RIT2: variants seen among roughly 807,000 people sequenced by gnomAD.
The protein encoded by RIT2 is GTP-binding protein Rit2.
In RIT2, 24 loss-of-function variants were observed where a neutral mutation model predicts 23.7. The observed-to-expected ratio is 1.01, with a 90% CI of 0.73 to 1.43. The LOEUF is 1.43. RIT2 is among the 40% of genes most tolerant of loss of function. The probability of loss-of-function intolerance (pLI) is 0.00; values close to 1 mark genes in which losing one functional copy is unlikely to be tolerated. For missense variants in RIT2, 236 were observed against 266.9 expected, an observed-to-expected ratio of 0.88 and a Z score of 0.81; for synonymous variants, 107 against 91.1, an observed-to-expected ratio of 1.17 and a Z score of -0.99.
intron 4 of RIT2, among the ~76,000 whole-genome samples, chr18:42,819,690 A>G (rs937708362): frequency 6.6e-6 from 1 of 152,136 alleles, no homozygotes; most frequent in African/African-American, 2.4e-5. Flanking sequence ...ACAAACATGT[A>G]CAACTGTTCT....
At chr18:42,784,927 G>A (rs1486445057) in intron 4 of RIT2, among the ~76,000 whole-genome samples, 1 of 151,794 alleles carries the variant, frequency 6.6e-6, no homozygotes, top group Non-Finnish European at 1.5e-5. Flanking sequence ...CAAAGGTAAG[G>A]GATTTTACAA....
chr18:42,956,489 A>G (rs927151270), intron 3 of RIT2, among the ~76,000 whole-genome samples: 1 of 152,202 alleles, frequency 6.6e-6, no homozygotes, highest in Admixed American at 6.5e-5. Context: ...TGAAACATGT[A>G]CTTGAAATTT....
chr18:42,965,711 C>CAT (rs1910202827), intron 3 of RIT2, among the ~76,000 whole-genome samples: 2 of 37,770 alleles, frequency 5.3e-5, no homozygotes, highest in East Asian at 1.2e-3. Context: ...GTACTGATGG[C>CAT]TTTTTTTTTT....
intron 4 of RIT2, among the ~76,000 whole-genome samples, chr18:42,912,676 C>A (rs1330245036): frequency 6.6e-6 from 1 of 151,730 alleles, no homozygotes; most frequent in East Asian, 1.9e-4. Context: ...AATATAATAC[C>A]ATTTCCATTA....
intron 3 of RIT2, among the ~76,000 whole-genome samples, chr18:42,954,894 A>G (rs956074690): frequency 6.6e-6 from 1 of 152,174 alleles, no homozygotes; most frequent in Non-Finnish European, 1.5e-5. Context: ...TCTGCATAAC[A>G]GACTAAGGTC....
At chr18:42,898,779 C>A (rs1192315324) in intron 4 of RIT2, among the ~76,000 whole-genome samples, 3 of 152,094 alleles carry the variant, frequency 2.0e-5, no homozygotes, top group Non-Finnish European at 4.4e-5. Flanking sequence ...TTATGACAGA[C>A]AAATTGTAAA....
At chr18:42,952,946 G>A (rs1311202635) in intron 3 of RIT2, among the ~76,000 whole-genome samples, 1 of 143,686 alleles carries the variant, frequency 7.0e-6, no homozygotes, top group Non-Finnish European at 1.5e-5. Flanking sequence ...CTCCTGAGGT[G>A]TTTTTTTTTT....
chr18:43,090,784 A>G (rs1443459653), intron 1 of RIT2, among the ~76,000 whole-genome samples: 1 of 152,102 alleles, frequency 6.6e-6, no homozygotes, highest in Non-Finnish European at 1.5e-5. Context: ...AGAAAATCAA[A>G]TACTGCATGT....
rs531730570 is a variant in RIT2 at position 43,023,268 on chromosome 18, T to C, written c.160+10543A>G. 5.3e-5 allele frequency among the ~76,000 whole-genome samples: 8 copies of C among 152,184 alleles called. No individual in the cohort carries two copies. In the South Asian group the frequency reaches 1.2e-3, roughly 24 times the overall value. On this transcript the variant is annotated intron_variant, in intron 2 of 4. Coordinates refer to ENST00000326695, the MANE Select transcript of RIT2 (RefSeq NM_002930.4). ...TGTAGTTTTGCCACAGGAAAAATTA[T>C]GATGATCATAAGTGCTTTGAGTAAT...
At chr18:42,953,403 C>G (rs1394954419) in intron 3 of RIT2, among the ~76,000 whole-genome samples, 1 of 151,752 alleles carries the variant, frequency 6.6e-6, no homozygotes, top group East Asian at 1.9e-4. Context: ...TCAGTGGCAC[C>G]CTAAAAGTGA....
At chr18:42,876,408 G>A (rs1907744659) in intron 4 of RIT2, among the ~76,000 whole-genome samples, 1 of 150,116 alleles carries the variant, frequency 6.7e-6, no homozygotes, top group African/African-American at 2.5e-5. Context: ...TTCATGTGGA[G>A]TTATCATTTT....
chr18:43,049,919 T>C (rs1188332318), intron 1 of RIT2, among the ~76,000 whole-genome samples: 1 of 150,192 alleles, frequency 6.7e-6, no homozygotes, highest in Non-Finnish European at 1.5e-5. Context: ...CATTGTATCA[T>C]TAAACATTTT....
intron 4 of RIT2, among the ~76,000 whole-genome samples, chr18:42,871,662 G>T (rs1907624225): frequency 6.6e-6 from 1 of 152,158 alleles, no homozygotes; most frequent in African/African-American, 2.4e-5. Flanking sequence ...TTATTCCTCA[G>T]CCTGGGCCAA....
intron 4 of RIT2, among the ~76,000 whole-genome samples, chr18:42,855,173 T>C (rs1344508964): frequency 6.6e-6 from 1 of 152,196 alleles, no homozygotes; most frequent in Non-Finnish European, 1.5e-5. Context: ...TCAAATGTTA[T>C]TTTATGAGAT....
intron 4 of RIT2, among the ~76,000 whole-genome samples, chr18:42,792,472 C>A (rs1914065486): frequency 6.6e-6 from 1 of 152,146 alleles, no homozygotes; most frequent in Non-Finnish European, 1.5e-5. Flanking sequence ...CTGTTCTAGT[C>A]TATGCATATA....
intron 3 of RIT2, among the ~76,000 whole-genome samples, chr18:42,950,583 A>G (rs1421748216): frequency 6.6e-6 from 1 of 152,110 alleles, no homozygotes; most frequent in East Asian, 1.9e-4. Flanking sequence ...CCGCAAAAGA[A>G]ACTTTCAATA....
rs373391243 is a variant in RIT2, at chr18:42,891,732, G to A, written c.426+31840C>T. 2.3e-4 allele frequency among the ~76,000 whole-genome samples: 35 copies of A among 152,206 alleles called. No individual in the cohort carries two copies. The East Asian group carries it at 4.6e-3, about 20-fold the overall frequency. On this transcript the variant is annotated intron_variant, in intron 4 of 4. Transcript: ENST00000326695. ...AATGAAAAGTGCCGTGGTTGCTAGG[G>A]GTAAAGGGGGAGGGAGAGATGAATA...
At chr18:42,883,018 A>C (rs1391510081) in intron 4 of RIT2, among the ~76,000 whole-genome samples, 1 of 152,210 alleles carries the variant, frequency 6.6e-6, no homozygotes, top group African/African-American at 2.4e-5. Flanking sequence ...GAATTAAAGA[A>C]AATTTCTCAC....
chr18:42,833,222 CAT>C (rs1004999431), intron 4 of RIT2, among the ~76,000 whole-genome samples: 16 of 152,260 alleles, frequency 1.1e-4, no homozygotes, highest in Admixed American at 3.3e-4. Context: ...TCAGCTCCTG[CAT>C]ATGAGTGAGA....
Sources: allele counts gnomAD v4.1 joint callset (sites outside exome capture counted in the v4.1 genomes callset), GRCh38; gene constraint gnomAD v4.1.1; transcripts MANE v1.5; gene names NCBI Gene and HGNC (gene_info 2026-07-23, HGNC 2026-07-21).